TBC1D4: variants seen among roughly 807,000 people sequenced by gnomAD.
The protein encoded by TBC1D4 is TBC (Tre-2, BUB2, CDC16) domain-containing protein.
Under a neutral mutation model 142.5 loss-of-function variants are expected in TBC1D4, and 121 were observed. That is an observed-to-expected ratio of 0.85 (90% confidence interval 0.73 to 0.99). The LOEUF (loss-of-function observed/expected upper bound fraction) is 0.99. Among genes scored for constraint, TBC1D4 ranks in the 50% least tolerant of loss-of-function variants. The pLI is 0.00. For synonymous variants in TBC1D4, 630 were observed against 628.2 expected (o/e 1.00, Z -0.04); for missense variants, 1,475 against 1,606.6 (o/e 0.92, Z 1.40).
intron 2 of TBC1D4, among the ~76,000 whole-genome samples, 173 bp from the exon 3 acceptor site, chr13:75,360,031 G>T (rs1427995958): frequency 6.6e-6 from 1 of 152,010 alleles, no homozygotes; most frequent in Non-Finnish European, 1.5e-5. Context: ...AATATCAGCT[G>T]CCTCAAAAAT....
At chr13:75,320,115 CCAATAAGTCAT>C in intron 11 of TBC1D4, 78 bp from the exon 12 acceptor site, 1 of 1,486,988 alleles carries the variant, frequency 6.7e-7, no homozygotes, top group Non-Finnish European at 9.4e-7. Flanking sequence ...AAAAGGCATT[CCAATAAGTCAT>C]CAATAAGTCA....
At chr13:75,438,685 G>C (rs1243768473) in intron 1 of TBC1D4, among the ~76,000 whole-genome samples, 1 of 152,168 alleles carries the variant, frequency 6.6e-6, no homozygotes, top group Non-Finnish European at 1.5e-5. Context: ...AACATGGTGT[G>C]TCTCTTCACT....
intron 7 of TBC1D4, among the ~76,000 whole-genome samples, chr13:75,339,213 C>T (rs985441451): frequency 4.6e-5 from 7 of 152,150 alleles, no homozygotes; most frequent in South Asian, 2.1e-4. Context: ...AGTCTGTACT[C>T]GATAAAGATT....
chr13:75,349,133 C>T (rs371348156), intron 5 of TBC1D4, 37 bp downstream of exon 5: 1 of 1,613,628 alleles, frequency 6.2e-7, no homozygotes, highest in East Asian at 2.2e-5. Context: ...AATGCCAAAG[C>T]AAACTTCTCT....
intron 1 of TBC1D4, among the ~76,000 whole-genome samples, chr13:75,391,614 C>A (rs2138305197): frequency 6.6e-6 from 1 of 152,292 alleles, no homozygotes; most frequent in African/African-American, 2.4e-5. Context: ...TTTTCTTATT[C>A]CTTCTCATCT....
At chr13:75,347,978 A>T (rs1004255060) in intron 5 of TBC1D4, among the ~76,000 whole-genome samples, 11 of 152,068 alleles carry the variant, frequency 7.2e-5, no homozygotes, top group African/African-American at 2.4e-4. Flanking sequence ...TCTACAAAAA[A>T]TTTTTTAAAA....
intron 17 of TBC1D4, among the ~76,000 whole-genome samples, chr13:75,298,309 A>T (rs965367813): frequency 2.0e-5 from 3 of 152,230 alleles, no homozygotes; most frequent in Non-Finnish European, 4.4e-5. Flanking sequence ...GACAAAATTT[A>T]AACTGCTTAT....
chr13:75,481,894 C>G lies in TBC1D4; in HGVS notation c.-127G>C, dbSNP rs1462769517. On this transcript the variant is annotated 5_prime_UTR_variant, in exon 1 of 21. Transcript: ENST00000377636. Reference sequence around the variant, plus strand: ...GGCTCCCGCGCCTGCCTGGGAGCGGCGCGACCCCGAACTCCGCGCTTCAGC... The same window carrying G: ...GGCTCCCGCGCCTGCCTGGGAGCGGGGCGACCCCGAACTCCGCGCTTCAGC... 10 of 1,319,596 alleles carry G rather than the reference C, an allele frequency of 7.6e-6. No individual in the cohort carries two copies. The highest frequency in any genetic ancestry group is 3.8e-5 in the Admixed American group (1 of 26,412). The allele number at this position is 1,319,596 out of a possible 1,614,324, so 81.7% of individuals were successfully genotyped here. A position where few individuals can be genotyped will look rare whatever the true frequency, so the allele number is the denominator to read the frequency against.
chr13:75,445,456 A>G (rs1476843949), intron 1 of TBC1D4, among the ~76,000 whole-genome samples: 1 of 152,166 alleles, frequency 6.6e-6, no homozygotes, highest in African/African-American at 2.4e-5. Context: ...AAAATATAAC[A>G]TCATCTATTG....
At chr13:75,372,105 T>G (rs1883252525) in intron 1 of TBC1D4, among the ~76,000 whole-genome samples, 1 of 152,138 alleles carries the variant, frequency 6.6e-6, no homozygotes, top group Non-Finnish European at 1.5e-5. Context: ...ATGGAACATT[T>G]CTATATGGAA....
intron 1 of TBC1D4, among the ~76,000 whole-genome samples, chr13:75,422,223 T>G (rs1421775396): frequency 6.6e-6 from 1 of 152,202 alleles, no homozygotes; most frequent in African/African-American, 2.4e-5. Flanking sequence ...CTCATGGAGT[T>G]CCTTGTCATT....
chr13:75,410,058 G>C (rs1885556925), intron 1 of TBC1D4, among the ~76,000 whole-genome samples: 4 of 152,246 alleles, frequency 2.6e-5, no homozygotes, highest in South Asian at 4.1e-4. Context: ...TGCCTGCCTT[G>C]TATAAACAAA....
chr13:75,426,238 C>T (rs1000427844), intron 1 of TBC1D4, among the ~76,000 whole-genome samples: 2 of 152,110 alleles, frequency 1.3e-5, no homozygotes, highest in African/African-American at 2.4e-5. Context: ...CAATGAGATA[C>T]CACCTCACTC....
At chr13:75,321,473 A>G (rs1878781559) in intron 11 of TBC1D4, among the ~76,000 whole-genome samples, 1 of 152,184 alleles carries the variant, frequency 6.6e-6, no homozygotes, top group South Asian at 2.1e-4. Flanking sequence ...CAAAAATTAT[A>G]AAACAAATGT....
At chr13:75,348,166 A>C (rs961621396) in intron 5 of TBC1D4, among the ~76,000 whole-genome samples, 7 of 152,192 alleles carry the variant, frequency 4.6e-5, no homozygotes, top group African/African-American at 1.7e-4. Context: ...CAAAAAAAAA[A>C]CCTGTGTTTG....
intron 17 of TBC1D4, among the ~76,000 whole-genome samples, chr13:75,295,229 C>G (rs1032854903): frequency 6.6e-6 from 1 of 152,112 alleles, no homozygotes; most frequent in Non-Finnish European, 1.5e-5. Context: ...GAAGACTGAG[C>G]AAGTTTCTCT....
At chr13:75,404,802 C>CT (rs1411191173) in intron 1 of TBC1D4, among the ~76,000 whole-genome samples, 4 of 152,074 alleles carry the variant, frequency 2.6e-5, no homozygotes, top group Non-Finnish European at 5.9e-5. Flanking sequence ...AAGGAAAGCC[C>CT]TTAAGTTACA....
chr13:75,401,048 A>C (rs1350457373), intron 1 of TBC1D4, among the ~76,000 whole-genome samples: 1 of 152,192 alleles, frequency 6.6e-6, no homozygotes. Flanking sequence ...CCTTTACATA[A>C]TATTAGTGTT....
intron 15 of TBC1D4, among the ~76,000 whole-genome samples, chr13:75,303,202 A>T (rs1031971689): frequency 1.3e-5 from 2 of 152,076 alleles, no homozygotes; most frequent in Non-Finnish European, 1.5e-5. Context: ...CTGTAATCTC[A>T]GCTACTCGCG....
Sources: allele counts gnomAD v4.1 joint callset (sites outside exome capture counted in the v4.1 genomes callset), GRCh38; gene constraint gnomAD v4.1.1; transcripts MANE v1.5; gene names NCBI Gene and HGNC (gene_info 2026-07-23, HGNC 2026-07-21).